The following SH3KBP1 variants were observed in gnomAD, a reference collection of about 807,000 sequenced individuals.
SH3KBP1 encodes SH3 domain containing kinase binding protein 1.
In SH3KBP1, 8 loss-of-function variants were observed where a neutral mutation model predicts 50.1. That is an observed-to-expected ratio of 0.16 (90% CI 0.09 to 0.29). The LOEUF (loss-of-function observed/expected upper bound fraction) is 0.29. Among genes scored for constraint, SH3KBP1 ranks in the 10% least tolerant of loss-of-function variants. The pLI, the probability that SH3KBP1 is intolerant of heterozygous loss-of-function variation, is 1.00. For missense variants in SH3KBP1, 377 were observed against 535.2 expected (o/e 0.70, Z 2.92); for synonymous variants, 227 against 218.6 (o/e 1.04, Z -0.34).
chrX:19,555,096 C>A (rs2065449325), intron 13 of SH3KBP1, among the ~76,000 whole-genome samples: 1 of 112,717 alleles, frequency 8.9e-6, no homozygotes, highest in South Asian at 3.6e-4. Context: ...GCTTTCTCGG[C>A]CTGGCTGGGA....
intron 8 of SH3KBP1, among the ~76,000 whole-genome samples, chrX:19,609,651 G>C (rs2067350432): frequency 8.9e-6 from 1 of 112,081 alleles, no homozygotes. Context: ...CAGATGTGCA[G>C]CTGGCCTAAG....
chrX:19,860,301 A>G (rs1431206471), intron 1 of SH3KBP1, among the ~76,000 whole-genome samples: 8 of 108,920 alleles, frequency 7.3e-5, no homozygotes, highest in African/African-American at 2.3e-4. Context: ...AAAAAAAAAA[A>G]AAGAAGTACT....
At chrX:19,700,208 C>T (rs950360125) in intron 4 of SH3KBP1, among the ~76,000 whole-genome samples, 8 of 111,253 alleles carry the variant, frequency 7.2e-5, no homozygotes, top group Admixed American at 5.7e-4. Context: ...AAGGCCCACA[C>T]CTTAAAGCTG....
intron 2 of SH3KBP1, among the ~76,000 whole-genome samples, chrX:19,794,743 T>C (rs945130858): frequency 2.7e-5 from 3 of 111,498 alleles, no homozygotes; most frequent in African/African-American, 9.8e-5. Flanking sequence ...AAGAAAATGA[T>C]AACAGTGCCT....
chrX:19,554,125 T>C (rs1321079370), intron 13 of SH3KBP1, among the ~76,000 whole-genome samples: 1 of 75,682 alleles, frequency 1.3e-5, no homozygotes, highest in Non-Finnish European at 2.2e-5. Context: ...TATAATATTA[T>C]ATATCATATT....
intron 6 of SH3KBP1, chrX:19,671,131 G>C: frequency 1.6e-6 from 1 of 616,157 alleles, no homozygotes; most frequent in Non-Finnish European, 2.3e-6. Context: ...CTCCCTCCTG[G>C]GGCCCCCAGG....
At chrX:19,638,887 C>T (rs998078547) in intron 7 of SH3KBP1, among the ~76,000 whole-genome samples, 9 of 111,956 alleles carry the variant, frequency 8.0e-5, no homozygotes, top group African/African-American at 2.3e-4. Context: ...ACAATGCCCT[C>T]GTGGGGCTTA....
intron 6 of SH3KBP1, among the ~76,000 whole-genome samples, chrX:19,681,150 T>C (rs1473839973): frequency 8.9e-6 from 1 of 112,245 alleles, no homozygotes; most frequent in African/African-American, 3.2e-5. Flanking sequence ...TTGAGAATCA[T>C]ATTGGTGCCC....
In SH3KBP1 at chrX:19,536,197, G is replaced by A. The variant is rs765102958; in HGVS notation, c.*220C>T. The A allele has an allele frequency of 3.1e-6, 1 of 320,689 alleles. No homozygotes were observed. The highest frequency in any genetic ancestry group is 4.9e-5 in the East Asian group (1 of 20,378). The allele number at this position is 320,689 out of a possible 1,213,427, so 26.4% of individuals were successfully genotyped here. ...AGCCTTTAGCACAATTTTGCTCTGT[G>A]TAAGTCACAACGAGTGCCAGCCCCA... On this transcript the variant is annotated 3_prime_UTR_variant, in exon 18 of 18. Coordinates refer to ENST00000397821, the MANE Select transcript of SH3KBP1 (RefSeq NM_031892.3).
chrX:19,751,359 C>G (rs2065060435), intron 2 of SH3KBP1, among the ~76,000 whole-genome samples: 1 of 111,309 alleles, frequency 9.0e-6, no homozygotes, highest in Non-Finnish European at 1.9e-5. Context: ...TTCTGACCAT[C>G]AGGCCCGTGT....
At chrX:19,854,974 C>T (rs1348601301) in intron 1 of SH3KBP1, among the ~76,000 whole-genome samples, 2 of 111,390 alleles carry the variant, frequency 1.8e-5, no homozygotes, top group Non-Finnish European at 3.8e-5. Flanking sequence ...AGTTGGTAAG[C>T]TTTTTCTTTT....
chrX:19,556,115 T>C lies in SH3KBP1; in HGVS notation c.1385-6032A>G, dbSNP rs145491514. 3.8e-3 allele frequency among the ~76,000 whole-genome samples: 429 copies of C among 112,292 alleles called. 2 individuals carry two copies. The highest frequency in any genetic ancestry group is 0.013 in the African/African-American group (400 of 30,894). On this transcript the variant is annotated intron_variant, in intron 13 of 17. Coordinates refer to ENST00000397821, the MANE Select transcript of SH3KBP1 (RefSeq NM_031892.3). ...TTCAGATTTTCCAGCAGGAAAAAAA[T>C]GAGAGAATTATCTGAGCCATCAGCT...
At chrX:19,806,281 C>T (rs1333917487) in intron 2 of SH3KBP1, among the ~76,000 whole-genome samples, 2 of 111,666 alleles carry the variant, frequency 1.8e-5, no homozygotes, top group African/African-American at 6.5e-5. Context: ...CTTTGGGAGG[C>T]TGAGGCAGGT....
intron 1 of SH3KBP1, among the ~76,000 whole-genome samples, chrX:19,861,727 G>A (rs756720071): frequency 2.7e-5 from 3 of 111,585 alleles, no homozygotes; most frequent in Non-Finnish European, 3.8e-5. Flanking sequence ...AGACTGTGAA[G>A]TGGATGCCTA....
chrX:19,703,830 G>C, intron 4 of SH3KBP1, among the ~76,000 whole-genome samples: 1 of 106,379 alleles, frequency 9.4e-6, no homozygotes, highest in Non-Finnish European at 1.9e-5. Context: ...CACAATACAT[G>C]TTATATTTTA....
At chrX:19,836,542 C>T (rs967799676) in intron 1 of SH3KBP1, among the ~76,000 whole-genome samples, 1 of 111,731 alleles carries the variant, frequency 9.0e-6, no homozygotes, top group Non-Finnish European at 1.9e-5. Context: ...AGAGGGGAAG[C>T]TGCATGATGA....
At chrX:19,540,543 G>A (rs1456245875) in intron 16 of SH3KBP1, among the ~76,000 whole-genome samples, 1 of 111,588 alleles carries the variant, frequency 9.0e-6, no homozygotes, top group African/African-American at 3.3e-5. Context: ...TCCCCCAAAA[G>A]TGACCACAAA....
At chrX:19,544,252 T>C (rs2065023890) in intron 15 of SH3KBP1, among the ~76,000 whole-genome samples, 1 of 111,249 alleles carries the variant, frequency 9.0e-6, no homozygotes, top group Non-Finnish European at 1.9e-5. Flanking sequence ...CTGTGCTTTA[T>C]CATTAGTAGG....
chrX:19,757,088 T>TA (rs1444254540), intron 2 of SH3KBP1, among the ~76,000 whole-genome samples: 5 of 109,235 alleles, frequency 4.6e-5, no homozygotes, highest in African/African-American at 1.0e-4. Context: ...TTAATTAACT[T>TA]AAACATTGAG....
Sources: gnomAD v4.1 joint callset for allele counts (sites outside exome capture counted in the v4.1 genomes callset) on GRCh38, gnomAD v4.1.1 for gene constraint, MANE v1.5 for transcripts, NCBI Gene and HGNC (gene_info 2026-07-23, HGNC 2026-07-21) for gene names.